The following SLC35F3 variants were observed in gnomAD, a reference collection of about 807,000 sequenced individuals.
The protein encoded by SLC35F3 is solute carrier family 35 member F3, also known as putative thiamine transporter SLC35F3.
A neutral mutation model predicts 49.9 loss-of-function variants in SLC35F3; 25 were observed. The observed-to-expected ratio is 0.50, with a 90% CI of 0.37 to 0.70. The LOEUF is 0.70. Among genes scored for constraint, SLC35F3 ranks in the 30% least tolerant of loss-of-function variants. The probability of loss-of-function intolerance (pLI) is 0.00; values close to 1 mark genes in which losing one functional copy is unlikely to be tolerated. For missense variants in SLC35F3, 525 were observed against 639.8 expected (o/e 0.82, Z 1.94); for synonymous variants, 275 against 265.4 (o/e 1.04, Z -0.35).
At chr1:234,247,225 G>C (rs979638623) in intron 3 of SLC35F3, among the ~76,000 whole-genome samples, 6 of 152,258 alleles carry the variant, frequency 3.9e-5, no homozygotes, top group Non-Finnish European at 8.8e-5. Flanking sequence ...GAATGCATGG[G>C]TGCATGTATG....
chr1:233,967,830 G>A (rs932618148), intron 2 of SLC35F3, among the ~76,000 whole-genome samples: 3 of 152,206 alleles, frequency 2.0e-5, no homozygotes, highest in Non-Finnish European at 4.4e-5. Flanking sequence ...AAGTTATTTA[G>A]TGTTTTCATT....
chr1:234,176,020 G>T (rs557372957), intron 2 of SLC35F3, among the ~76,000 whole-genome samples: 2 of 152,184 alleles, frequency 1.3e-5, no homozygotes, highest in African/African-American at 4.8e-5. Context: ...CCTCAAAAGT[G>T]CTTGCCAACA....
chr1:234,108,331 TTA>T lies in SLC35F3; in HGVS notation c.284-123077_284-123076del, dbSNP rs1254270202. ...TATATATATAAAAGATATATATTAT[TTA>T]TATATATAAAAGATATATATTTATA... On this transcript the variant is annotated intron_variant, in intron 2 of 7. Coordinates refer to ENST00000366618, the MANE Select transcript of SLC35F3 (RefSeq NM_173508.4). Among the ~76,000 whole-genome samples the T allele has an allele frequency of 2.9e-3, 359 of 124,602 alleles. 12 individuals are homozygous for T. Among genetic ancestry groups the T allele is most frequent in the African/African-American group, 0.01 (342 of 32,860 alleles). 81.7% of individuals were successfully genotyped at this position (124,602 alleles called of 152,430 possible).
chr1:234,101,132 A>G (rs1323733380), intron 2 of SLC35F3, among the ~76,000 whole-genome samples: 1 of 152,012 alleles, frequency 6.6e-6, no homozygotes, highest in Non-Finnish European at 1.5e-5. Flanking sequence ...TTGCCCTTCA[A>G]GTCTCAGAGA....
chr1:233,946,703 G>A (rs528849306), intron 2 of SLC35F3, among the ~76,000 whole-genome samples: 35 of 152,332 alleles, frequency 2.3e-4, no homozygotes, highest in African/African-American at 7.0e-4. Flanking sequence ...GAGGAGAAAC[G>A]TGTGTTGGAC....
intron 2 of SLC35F3, among the ~76,000 whole-genome samples, chr1:234,192,314 T>G (rs770253168): frequency 2.0e-5 from 3 of 152,162 alleles, no homozygotes; most frequent in Non-Finnish European, 4.4e-5. Context: ...AGTCAATAAA[T>G]GTAATACCAC....
chr1:233,911,254 A>G (rs1171887569), intron 2 of SLC35F3, among the ~76,000 whole-genome samples: 1 of 152,172 alleles, frequency 6.6e-6, no homozygotes, highest in East Asian at 1.9e-4. Flanking sequence ...ATTCATGGTG[A>G]GCAACTTCTG....
intron 2 of SLC35F3, among the ~76,000 whole-genome samples, chr1:234,160,357 C>T (rs1480486590): frequency 2.0e-5 from 3 of 152,198 alleles, no homozygotes; most frequent in Non-Finnish European, 4.4e-5. Flanking sequence ...GGCAGCACAA[C>T]AGCGTTGTTG....
At chr1:234,080,349 T>C (rs894216719) in intron 2 of SLC35F3, among the ~76,000 whole-genome samples, 8 of 152,180 alleles carry the variant, frequency 5.3e-5, no homozygotes, top group Non-Finnish European at 8.8e-5. Flanking sequence ...TCCTCAATTA[T>C]GAAGTTACCA....
At chr1:234,084,981 C>G (rs1664940219) in intron 2 of SLC35F3, among the ~76,000 whole-genome samples, 1 of 152,186 alleles carries the variant, frequency 6.6e-6, no homozygotes, top group African/African-American at 2.4e-5. Flanking sequence ...CTGATGTGTG[C>G]TTTAACATGG....
At chr1:233,981,178 A>G (rs1480374331) in intron 2 of SLC35F3, among the ~76,000 whole-genome samples, 2 of 152,216 alleles carry the variant, frequency 1.3e-5, no homozygotes, top group African/African-American at 4.8e-5. Flanking sequence ...TACAATCCAC[A>G]GACTTTATTA....
chr1:234,268,321 GGC>G (rs1668035473), intron 3 of SLC35F3, among the ~76,000 whole-genome samples: 1 of 145,754 alleles, frequency 6.9e-6, no homozygotes, highest in Non-Finnish European at 1.5e-5. Flanking sequence ...CAGGCGTGGC[GGC>G]GCGCGCCTGC....
intron 2 of SLC35F3, among the ~76,000 whole-genome samples, chr1:233,973,710 TGTGGAAAAAAA>T (rs1301547093): frequency 6.6e-6 from 1 of 152,138 alleles, no homozygotes; most frequent in African/African-American, 2.4e-5. Flanking sequence ...TCCACTGAGG[TGTGGAAAAAAA>T]GCACAAATGC....
chr1:234,057,567 A>G (rs1264045616), intron 2 of SLC35F3, among the ~76,000 whole-genome samples: 6 of 152,192 alleles, frequency 3.9e-5, no homozygotes, highest in African/African-American at 1.4e-4. Flanking sequence ...TTCTGTATAC[A>G]TGATTATGTA....
chr1:234,150,134 A>G (rs1003409370), intron 2 of SLC35F3, among the ~76,000 whole-genome samples: 2 of 152,132 alleles, frequency 1.3e-5, no homozygotes, highest in African/African-American at 4.8e-5. Flanking sequence ...GAAAACTTCT[A>G]GGAAACTAGA....
intron 2 of SLC35F3, among the ~76,000 whole-genome samples, chr1:234,155,882 A>G (rs1572073263): frequency 6.6e-6 from 1 of 152,124 alleles, no homozygotes; most frequent in East Asian, 1.9e-4. Context: ...CCATATTTAT[A>G]TATTCTTTTG....
chr1:234,206,909 T>A (rs1027430674), intron 2 of SLC35F3, among the ~76,000 whole-genome samples: 2 of 152,114 alleles, frequency 1.3e-5, no homozygotes, highest in Non-Finnish European at 2.9e-5. Flanking sequence ...TGGAGCCGCA[T>A]CAACCTCCTT....
At position 233,967,527 on chromosome 1, in the gene SLC35F3, T is replaced by C. The variant is rs187667202; in HGVS notation, c.283+61769T>C. On this transcript the variant is annotated intron_variant, in intron 2 of 7. Transcript: ENST00000366618. Reference sequence around the variant, plus strand: ...TTGACTTTGAATGTCAGTATCTGCATTGCCACCTTCTATTTAACATGGTAA... The same window carrying C: ...TTGACTTTGAATGTCAGTATCTGCACTGCCACCTTCTATTTAACATGGTAA... Among the ~76,000 whole-genome samples the C allele has an allele frequency of 4.6e-5, 7 of 152,338 alleles. 1 individual carries two copies. The East Asian group carries it at 1.3e-3, about 29-fold the overall frequency.
At chr1:234,176,552 A>G (rs1232038283) in intron 2 of SLC35F3, among the ~76,000 whole-genome samples, 2 of 152,196 alleles carry the variant, frequency 1.3e-5, no homozygotes, top group East Asian at 3.9e-4. Context: ...CATCTCTATC[A>G]GAATCAATTG....
Sources: gnomAD v4.1 joint callset for allele counts (sites outside exome capture counted in the v4.1 genomes callset) on GRCh38, gnomAD v4.1.1 for gene constraint, MANE v1.5 for transcripts, NCBI Gene and HGNC (gene_info 2026-07-23, HGNC 2026-07-21) for gene names.